The following ABHD17B variants were observed in gnomAD, a reference collection of about 807,000 sequenced individuals.
The protein encoded by ABHD17B is alpha/beta hydrolase domain-containing protein 17B.
A neutral mutation model predicts 26.2 loss-of-function variants in ABHD17B; 9 were observed. That is an observed-to-expected ratio of 0.34 (90% CI 0.21 to 0.60). ABHD17B has a LOEUF of 0.60. ABHD17B is among the 20% of genes least tolerant of loss of function. The pLI is 0.80. For missense variants in ABHD17B, 224 were observed against 352.1 expected (o/e 0.64, Z 2.91); for synonymous variants, 127 against 122.3 (o/e 1.04, Z -0.25).
At chr9:71,909,769 C>T (rs1827390746) in intron 1 of ABHD17B, among the ~76,000 whole-genome samples, 1 of 152,180 alleles carries the variant, frequency 6.6e-6, no homozygotes, top group Admixed American at 6.5e-5. Context: ...CGTTATTCAT[C>T]CTTTTGCTTA....
intron 1 of ABHD17B, among the ~76,000 whole-genome samples, chr9:71,878,226 G>A (rs1826337419): frequency 6.6e-6 from 1 of 152,040 alleles, no homozygotes; most frequent in Non-Finnish European, 1.5e-5. Context: ...CAGACGCAGT[G>A]GATTGCTTGA....
chr9:71,871,742 G>T (rs748086141), intron 2 of ABHD17B, among the ~76,000 whole-genome samples: 6 of 152,182 alleles, frequency 3.9e-5, no homozygotes, highest in Non-Finnish European at 7.4e-5. Flanking sequence ...CTAATGAGCA[G>T]ATCTTCAAAG....
At chr9:71,864,213 CTTTTTTTTTTTTTTT>C (rs762446648), downstream of ABHD17B, among the ~76,000 whole-genome samples, 3 of 80,398 alleles carry the variant, frequency 3.7e-5, no homozygotes, top group African/African-American at 1.5e-4. Flanking sequence ...GCCAAACTTT[CTTTTTTTTTTTTTTT>C]TTTTTTTTTG....
rs542212893 is a variant in ABHD17B, at chr9:71,878,572, T to G, written c.-3-3489A>C. On this transcript the variant is annotated intron_variant, in intron 1 of 3. Transcript: ENST00000333421. The stretch of plus-strand genomic sequence containing the variant: ...TGGAAGCCAAAAGACAATGGAGAGA[T>G]AATTTTAAGCTAAAGATGAAATCAA... Among the ~76,000 whole-genome samples the G allele has an allele frequency of 8.5e-5, 13 of 152,302 alleles. No homozygotes were observed. In the South Asian group the frequency reaches 2.3e-3, roughly 27 times the overall value.
downstream of ABHD17B, among the ~76,000 whole-genome samples, chr9:71,864,264 G>C (rs558151721): frequency 1.8e-5 from 2 of 111,350 alleles, no homozygotes; most frequent in African/African-American, 3.4e-5. Context: ...CTGTCACCCA[G>C]GCTGGAGTGC....
At chr9:71,886,820 A>G (rs987258461) in intron 1 of ABHD17B, among the ~76,000 whole-genome samples, 1 of 152,210 alleles carries the variant, frequency 6.6e-6, no homozygotes, top group African/African-American at 2.4e-5. Flanking sequence ...GCTTGAAGAC[A>G]CAAACTGGAT....
chr9:71,884,517 C>A (rs1826546543), intron 1 of ABHD17B, among the ~76,000 whole-genome samples: 2 of 151,368 alleles, frequency 1.3e-5, no homozygotes, highest in Admixed American at 1.3e-4. Context: ...TCTATAATAT[C>A]ATTAACATAC....
chr9:71,880,947 ATAAAAC>A (rs1826424152), intron 1 of ABHD17B, among the ~76,000 whole-genome samples: 1 of 152,016 alleles, frequency 6.6e-6, no homozygotes, highest in African/African-American at 2.4e-5. Flanking sequence ...AAATAAAAAA[ATAAAAC>A]TAAGAAAAAA....
At chr9:71,901,346 T>C (rs978719697) in intron 1 of ABHD17B, among the ~76,000 whole-genome samples, 1 of 152,116 alleles carries the variant, frequency 6.6e-6, no homozygotes, top group Non-Finnish European at 1.5e-5. Context: ...CATCAACTTG[T>C]AGGATCACTG....
intron 1 of ABHD17B, among the ~76,000 whole-genome samples, chr9:71,906,800 TAAAA>T (rs1237182327): frequency 1.1e-5 from 1 of 87,174 alleles, no homozygotes; most frequent in African/African-American, 4.7e-5. Context: ...TTTACATTAT[TAAAA>T]AACAAACAAA....
intron 1 of ABHD17B, among the ~76,000 whole-genome samples, chr9:71,878,190 C>T (rs1295129688): frequency 6.6e-6 from 1 of 151,454 alleles, no homozygotes; most frequent in African/African-American, 2.4e-5. Context: ...AATTTCAAGT[C>T]CAACTTGTTC....
chr9:71,888,506 A>C (rs1365495910), intron 1 of ABHD17B, among the ~76,000 whole-genome samples: 2 of 152,246 alleles, frequency 1.3e-5, no homozygotes, highest in Admixed American at 1.3e-4. Flanking sequence ...GTACCTACTC[A>C]GTATTTTTCA....
chr9:71,865,089 A>G (rs1825917202), downstream of ABHD17B: 3 of 919,562 alleles, frequency 3.3e-6, no homozygotes, highest in Non-Finnish European at 3.9e-6. Flanking sequence ...AACGAAGGGT[A>G]ATTTTTTTTC....
At chr9:71,879,080 T>C (rs1589217240) in intron 1 of ABHD17B, among the ~76,000 whole-genome samples, 1 of 152,082 alleles carries the variant, frequency 6.6e-6, no homozygotes, top group Non-Finnish European at 1.5e-5. Flanking sequence ...TGCTGGAGCA[T>C]GGGAGGTCAA....
chr9:71,909,118 G>T (rs1332013904), intron 1 of ABHD17B, among the ~76,000 whole-genome samples: 1 of 152,100 alleles, frequency 6.6e-6, no homozygotes, highest in Non-Finnish European at 1.5e-5. Flanking sequence ...GATACTCAAG[G>T]AAACAAGCTA....
chr9:71,885,449 G>A (rs190535562), intron 1 of ABHD17B, among the ~76,000 whole-genome samples: 103 of 105,484 alleles, frequency 9.8e-4, no homozygotes, highest in African/African-American at 3.4e-3. Flanking sequence ...GACAGAACAA[G>A]ACTCTGTCTC....
chr9:71,888,595 A>G (rs1299701446), intron 1 of ABHD17B, among the ~76,000 whole-genome samples: 1 of 152,208 alleles, frequency 6.6e-6, no homozygotes, highest in African/African-American at 2.4e-5. Flanking sequence ...AGGATTATTG[A>G]TTATAAATAA....
rs1195083170 is a variant in ABHD17B at position 71,903,681 on chromosome 9, G to C, written c.-4+6953C>G. Among the ~76,000 whole-genome samples, 3 of 152,212 alleles carry C rather than the reference G, an allele frequency of 2.0e-5. No homozygotes were observed. In the East Asian group the frequency reaches 5.8e-4, roughly 29 times the overall value. On this transcript the variant is annotated intron_variant, in intron 1 of 3. Coordinates refer to ENST00000333421, the MANE Select transcript of ABHD17B (RefSeq NM_001025780.3). ...TTTACATGAAAAAGGTTTAGGGTTTGTCTACAAATGACTGTATGTTAACAA... is the reference window on the plus strand; with the variant it reads ...TTTACATGAAAAAGGTTTAGGGTTTCTCTACAAATGACTGTATGTTAACAA...
At chr9:71,880,056 T>A (rs1341645203) in intron 1 of ABHD17B, among the ~76,000 whole-genome samples, 1 of 152,052 alleles carries the variant, frequency 6.6e-6, no homozygotes, top group Non-Finnish European at 1.5e-5. Context: ...TTTCTAGAAA[T>A]GAAAGAATAT....
Sources: gnomAD v4.1 joint callset for allele counts (sites outside exome capture counted in the v4.1 genomes callset) on GRCh38, gnomAD v4.1.1 for gene constraint, MANE v1.5 for transcripts, NCBI Gene and HGNC (gene_info 2026-07-23, HGNC 2026-07-21) for gene names.